AOAH: variants seen among roughly 807,000 people sequenced by gnomAD.
AOAH encodes acyloxyacyl hydrolase.
A neutral mutation model predicts 92.2 loss-of-function variants in AOAH; 64 were observed. The ratio of observed to expected loss-of-function variants is 0.69; its 90% CI spans 0.57 to 0.86. The LOEUF is 0.86. AOAH is among the 40% of genes least tolerant of loss of function. AOAH has a pLI of 0.00. For missense variants in AOAH, 656 were observed against 694.6 expected (o/e 0.94, Z 0.62); for synonymous variants, 263 against 254.5 (o/e 1.03, Z -0.32).
chr7:36,605,778 G>A (rs992326580), intron 11 of AOAH, among the ~76,000 whole-genome samples: 9 of 152,174 alleles, frequency 5.9e-5, no homozygotes, highest in African/African-American at 9.7e-5. Context: ...GAAGGGCATC[G>A]AGTTGATCAG....
At chr7:36,634,664 C>G (rs947257767) in intron 5 of AOAH, among the ~76,000 whole-genome samples, 3 of 152,160 alleles carry the variant, frequency 2.0e-5, no homozygotes, top group African/African-American at 7.2e-5. Context: ...TTCGGAAATA[C>G]AGACACTATC....
At chr7:36,690,982 G>T (rs981826527) in intron 1 of AOAH, among the ~76,000 whole-genome samples, 1 of 152,118 alleles carries the variant, frequency 6.6e-6, no homozygotes, top group South Asian at 2.1e-4. Flanking sequence ...TGCAGAGAGT[G>T]GTCTATTAGA....
chr7:36,650,986 G>A (rs1794542496), intron 4 of AOAH, among the ~76,000 whole-genome samples: 1 of 152,210 alleles, frequency 6.6e-6, no homozygotes, highest in Non-Finnish European at 1.5e-5. Flanking sequence ...CGCTGGCCAT[G>A]CAGGGAACTG....
chr7:36,541,528 A>G (rs1250369042), intron 15 of AOAH, among the ~76,000 whole-genome samples: 1 of 10,786 alleles, frequency 9.3e-5, no homozygotes, highest in African/African-American at 1.0e-4. Flanking sequence ...ACAAAATACT[A>G]CAAGACATCA....
rs781164893 is a variant in AOAH, at chr7:36,522,111, TA to T, written c.1526del (p.Ile509AsnfsTer141). 2 of 1,614,096 alleles carry T rather than the reference TA, an allele frequency of 1.2e-6. No homozygotes were observed. The highest frequency in any genetic ancestry group is 4.5e-5 in the East Asian group (2 of 44,886). ...GTCCGCCTCTCTTCTGCCACTCCTGTATGACTGCAGGGCACATAACGAGAGG... is the reference window on the plus strand; with the variant it reads ...GTCCGCCTCTCTTCTGCCACTCCTGTTGACTGCAGGGCACATAACGAGAGG... ...FYMDFAFHEI[I>X]QEWQKRGGQP... is the part of the protein sequence containing the mutation. On this transcript the variant is annotated frameshift_variant, in exon 20 of 21. Transcript: ENST00000617537. LOFTEE classifies it high-confidence loss of function.
rs1317246004 is a variant in AOAH at position 36,558,677 on chromosome 7, T to C, written c.1022-9202A>G. Among the ~76,000 whole-genome samples the C allele has an allele frequency of 3.3e-5, 5 of 152,366 alleles. No homozygotes were observed. In the East Asian group the frequency reaches 9.7e-4, roughly 29 times the overall value. ...TGTTTACCTAAGCAAGCCTGGGCAA[T>C]GGCGGGAGCCCCTCCCCCAGCCTCG... On this transcript the variant is annotated intron_variant, in intron 13 of 20. Transcript: ENST00000617537.
intron 2 of AOAH, among the ~76,000 whole-genome samples, chr7:36,680,405 G>C (rs1204102054): frequency 6.6e-6 from 1 of 152,182 alleles, no homozygotes; most frequent in Non-Finnish European, 1.5e-5. Context: ...TACTTTTTTA[G>C]CTTTGGAGGT....
At position 36,686,778 on chromosome 7, in the gene AOAH, C is replaced by A; in HGVS notation, c.144G>T (p.Val48=). 1.3e-6 allele frequency: 2 copies of A among 1,567,518 alleles called. No homozygotes were observed. Among genetic ancestry groups the A allele is most frequent in the Non-Finnish European group, 1.7e-6 (2 of 1,156,048 alleles). Residue 48 remains valine (V), a synonymous_variant, in exon 2 of 21, where the codon GTG becomes GTT. Coordinates refer to ENST00000617537, the MANE Select transcript of AOAH (RefSeq NM_001637.4). ...CTTGAGCAAGCTGTTCTATTACAGACACCACCAGCACACACCCTGCCAGGG... is the reference window on the plus strand; with the variant it reads ...CTTGAGCAAGCTGTTCTATTACAGAAACCACCAGCACACACCCTGCCAGGG... The part of the protein sequence containing the change: ...GHTCVGCVLV[V]SVIEQLAQVH...
intron 4 of AOAH, among the ~76,000 whole-genome samples, chr7:36,654,521 C>T (rs903243819): frequency 2.0e-5 from 3 of 152,150 alleles, no homozygotes; most frequent in Non-Finnish European, 4.4e-5. Context: ...GCAGTTCCAC[C>T]TTTAACTTTT....
At chr7:36,676,306 T>C (rs937022510) in intron 2 of AOAH, among the ~76,000 whole-genome samples, 1 of 152,180 alleles carries the variant, frequency 6.6e-6, no homozygotes, top group Non-Finnish European at 1.5e-5. Context: ...TGTATTTCTA[T>C]GTAGCAGAAG....
chr7:36,593,395 A>G (rs2727804), intron 12 of AOAH, among the ~76,000 whole-genome samples: 66,243 of 152,074 alleles, frequency 0.44, 14,628 homozygotes, highest in Middle Eastern at 0.52. Context: ...CTTTGGGGGC[A>G]TTCCTGTTCC....
At chr7:36,641,164 A>G (rs1793879988) in intron 4 of AOAH, among the ~76,000 whole-genome samples, 1 of 152,178 alleles carries the variant, frequency 6.6e-6, no homozygotes, top group Non-Finnish European at 1.5e-5. Flanking sequence ...GGGGCAGACT[A>G]GAGGGAGGTC....
chr7:36,673,927 G>A lies in AOAH; in HGVS notation c.290+16C>T, dbSNP rs773509784. Reference sequence around the variant, plus strand: ...CCCAGCAATGGAATCAGAGTTATGTGTCATGGCATACTCACAGTTTTATGA... The same window carrying A: ...CCCAGCAATGGAATCAGAGTTATGTATCATGGCATACTCACAGTTTTATGA... On this transcript the variant is annotated intron_variant, in intron 3 of 20. Transcript: ENST00000617537. 1.3e-6 allele frequency: 2 copies of A among 1,585,856 alleles called. No individual in the cohort carries two copies. The highest frequency in any genetic ancestry group is 1.7e-6 in the Non-Finnish European group (2 of 1,156,210).
intron 16 of AOAH, among the ~76,000 whole-genome samples, chr7:36,532,831 G>A (rs1583747367): frequency 3.3e-5 from 5 of 152,110 alleles, no homozygotes; most frequent in African/African-American, 7.2e-5. Flanking sequence ...CCCACACTGA[G>A]GGCCTGGCAG....
At chr7:36,531,508 G>C (rs1784688596) in intron 18 of AOAH, among the ~76,000 whole-genome samples, 1 of 151,928 alleles carries the variant, frequency 6.6e-6, no homozygotes, top group Non-Finnish European at 1.5e-5. Flanking sequence ...CATGACACCT[G>C]GCTAATTTTT....
chr7:36,530,873 AT>A (rs1728264720), intron 18 of AOAH, among the ~76,000 whole-genome samples: 1 of 152,226 alleles, frequency 6.6e-6, no homozygotes, highest in Admixed American at 6.5e-5. Context: ...TATGGATCAA[AT>A]CCTTAAACAT....
At chr7:36,589,621 T>C (rs1159239384) in intron 12 of AOAH, among the ~76,000 whole-genome samples, 2 of 152,212 alleles carry the variant, frequency 1.3e-5, no homozygotes, top group African/African-American at 4.8e-5. Flanking sequence ...TCAGAGATCA[T>C]CTAGTCCAAC....
chr7:36,515,518 CCA>C (rs1783595812), intron 20 of AOAH, among the ~76,000 whole-genome samples: 1 of 125,686 alleles, frequency 8.0e-6, no homozygotes, highest in Non-Finnish European at 1.7e-5. Flanking sequence ...CCCCCAAACA[CCA>C]CACACACCAC....
intron 13 of AOAH, among the ~76,000 whole-genome samples, chr7:36,572,866 C>T (rs1195303247): frequency 6.6e-6 from 1 of 152,190 alleles, no homozygotes. Context: ...CTATCTCCAG[C>T]ACTGCCTTAT....
Sources: gnomAD v4.1 joint callset for allele counts (sites outside exome capture counted in the v4.1 genomes callset) on GRCh38, gnomAD v4.1.1 for gene constraint, MANE v1.5 for transcripts, NCBI Gene and HGNC (gene_info 2026-07-23, HGNC 2026-07-21) for gene names.